ITFG1: variants seen among roughly 807,000 people sequenced by gnomAD.
The protein encoded by ITFG1 is T-cell immunomodulatory protein.
Under a neutral mutation model 81.8 loss-of-function variants are expected in ITFG1, and 34 were observed. The observed-to-expected ratio is 0.42, with a 90% CI of 0.32 to 0.55. The LOEUF is 0.55. ITFG1 is among the 20% of genes least tolerant of loss of function. ITFG1 has a pLI of 0.17. For missense variants in ITFG1, 672 were observed against 755.4 expected (o/e 0.89, Z 1.29); for synonymous variants, 285 against 270.6 (o/e 1.05, Z -0.52).
chr16:47,377,904 T>C (rs1259886658), intron 6 of ITFG1, among the ~76,000 whole-genome samples: 1 of 152,240 alleles, frequency 6.6e-6, no homozygotes, highest in Non-Finnish European at 1.5e-5. Context: ...ATGTATATTG[T>C]AGTTCTTGCA....
chr16:47,223,073 C>G (rs890773180), intron 13 of ITFG1, among the ~76,000 whole-genome samples: 45 of 151,220 alleles, frequency 3.0e-4, no homozygotes, highest in Non-Finnish European at 5.6e-4. Context: ...ACACCTTATA[C>G]AAAAATCAAT....
At chr16:47,418,032 GGATTT>G (rs1466752623) in intron 6 of ITFG1, among the ~76,000 whole-genome samples, 1 of 152,038 alleles carries the variant, frequency 6.6e-6, no homozygotes, top group Non-Finnish European at 1.5e-5. Context: ...ATCCTCAGCA[GGATTT>G]GTTTGAGATT....
At position 47,360,271 on chromosome 16, in the gene ITFG1, C is replaced by CTATATT. The variant is rs796069630; in HGVS notation, c.802+5516_802+5517insAATATA. On this transcript the variant is annotated intron_variant, in intron 8 of 17. Coordinates refer to ENST00000320640, the MANE Select transcript of ITFG1 (RefSeq NM_030790.5). Reference sequence around the variant, plus strand: ...CCCATATTATACATATTAATGTACTCTGTATTTACTTGATAATTTCTGACT... The same window carrying CTATATT: ...CCCATATTATACATATTAATGTACTCTATATTTGTATTTACTTGATAATTTCTGACT... 8.3e-4 allele frequency among the ~76,000 whole-genome samples: 127 copies of CTATATT among 152,258 alleles called. 1 individual carries two copies. The highest frequency in any genetic ancestry group is 2.9e-3 in the African/African-American group (120 of 41,554).
intron 8 of ITFG1, among the ~76,000 whole-genome samples, chr16:47,357,054 G>C (rs887221351): frequency 6.6e-6 from 1 of 150,522 alleles, no homozygotes; most frequent in Non-Finnish European, 1.5e-5. Context: ...AAAAAAAAAA[G>C]AAAGAGCTAT....
chr16:47,254,624 A>T (rs1422616010), intron 12 of ITFG1, among the ~76,000 whole-genome samples: 2 of 152,214 alleles, frequency 1.3e-5, no homozygotes, highest in Non-Finnish European at 2.9e-5. Context: ...AACTTTTAGT[A>T]TAAAAGTAGT....
intron 7 of ITFG1, among the ~76,000 whole-genome samples, chr16:47,373,580 C>A (rs1968286432): frequency 6.6e-6 from 1 of 152,168 alleles, no homozygotes; most frequent in Admixed American, 6.6e-5. Context: ...CACACCTGGC[C>A]TAAATACCAC....
At chr16:47,159,350 C>T (rs986996314) in intron 16 of ITFG1, among the ~76,000 whole-genome samples, 1 of 152,052 alleles carries the variant, frequency 6.6e-6, no homozygotes, top group African/African-American at 2.4e-5. Context: ...GATTTACCTG[C>T]TTAATTTGAA....
intron 5 of ITFG1, among the ~76,000 whole-genome samples, chr16:47,437,599 T>C (rs972594669): frequency 6.6e-6 from 1 of 152,186 alleles, no homozygotes; most frequent in African/African-American, 2.4e-5. Context: ...GGGTATGAGC[T>C]GGTAACTGCT....
intron 12 of ITFG1, among the ~76,000 whole-genome samples, chr16:47,248,435 TA>T (rs1006239739): frequency 1.3e-5 from 2 of 151,584 alleles, no homozygotes; most frequent in Non-Finnish European, 2.9e-5. Flanking sequence ...ACCTTACCAA[TA>T]AAAAAAAGAA....
At chr16:47,292,358 T>A (rs1420768397) in intron 10 of ITFG1, among the ~76,000 whole-genome samples, 1 of 152,176 alleles carries the variant, frequency 6.6e-6, no homozygotes, top group Non-Finnish European at 1.5e-5. Context: ...TATTGATGTC[T>A]CTGTATTCGA....
intron 6 of ITFG1, among the ~76,000 whole-genome samples, chr16:47,389,683 C>T (rs569349607): frequency 1.1e-4 from 17 of 152,220 alleles, no homozygotes; most frequent in Admixed American, 9.2e-4. Flanking sequence ...GAGCTATAAA[C>T]AAGTGACATT....
chr16:47,168,364 T>C (rs1964918809), intron 14 of ITFG1, among the ~76,000 whole-genome samples: 1 of 152,064 alleles, frequency 6.6e-6, no homozygotes, highest in Non-Finnish European at 1.5e-5. Flanking sequence ...CTTTTCAGTT[T>C]GTTGAAAAGA....
chr16:47,440,117 A>C (rs1448009117), intron 5 of ITFG1, among the ~76,000 whole-genome samples: 2 of 152,188 alleles, frequency 1.3e-5, no homozygotes, highest in Admixed American at 6.5e-5. Flanking sequence ...AAAGGGATCA[A>C]TTCAACAAGA....
chr16:47,409,234 C>G (rs1431844767), intron 6 of ITFG1, among the ~76,000 whole-genome samples: 1 of 149,510 alleles, frequency 6.7e-6, no homozygotes, highest in Non-Finnish European at 1.5e-5. Flanking sequence ...AAAATTAGAT[C>G]TGTGCTGCTA....
At chr16:47,307,104 A>C (rs1265191397) in intron 10 of ITFG1, among the ~76,000 whole-genome samples, 2 of 145,068 alleles carry the variant, frequency 1.4e-5, no homozygotes, top group Non-Finnish European at 3.0e-5. Flanking sequence ...AAAAAAAAAA[A>C]AAAAAAAAAA....
chr16:47,342,384 G>T (rs1422673239), intron 8 of ITFG1, among the ~76,000 whole-genome samples: 1 of 152,020 alleles, frequency 6.6e-6, no homozygotes, highest in Non-Finnish European at 1.5e-5. Context: ...AATTTATAAA[G>T]AACCCACAGC....
At chr16:47,442,338 T>A (rs1017911493) in intron 5 of ITFG1, among the ~76,000 whole-genome samples, 1 of 152,042 alleles carries the variant, frequency 6.6e-6, no homozygotes, top group Non-Finnish European at 1.5e-5. Flanking sequence ...TACTTTAAAG[T>A]TCATATGGAA....
At chr16:47,410,369 G>A (rs1203646379) in intron 6 of ITFG1, among the ~76,000 whole-genome samples, 1 of 152,048 alleles carries the variant, frequency 6.6e-6, no homozygotes, top group Non-Finnish European at 1.5e-5. Context: ...GTTAGTATAT[G>A]AAAAGCTATT....
At chr16:47,448,385 G>T (rs1473816854) in intron 5 of ITFG1, 3 of 152,010 alleles carry the variant, frequency 2.0e-5, no homozygotes, top group Non-Finnish European at 4.4e-5. Flanking sequence ...AGAGAATACA[G>T]TTTTTTTGAT....
Sources: allele counts gnomAD v4.1 joint callset (sites outside exome capture counted in the v4.1 genomes callset), GRCh38; gene constraint gnomAD v4.1.1; transcripts MANE v1.5; gene names NCBI Gene and HGNC (gene_info 2026-07-23, HGNC 2026-07-21).